Variants in GPM6B observed in about 807,000 individuals in gnomAD.
GPM6B encodes glycoprotein M6B.
GPM6B carries 4 observed loss-of-function variants against 27.2 expected under a neutral mutation model. That is an observed-to-expected ratio of 0.15 (90% CI 0.07 to 0.34). GPM6B has a LOEUF of 0.34. Among genes scored for constraint, GPM6B ranks in the 10% least tolerant of loss-of-function variants. The pLI is 1.00. For synonymous variants in GPM6B, 124 were observed against 103.1 expected (o/e 1.20, Z -1.23); for missense variants, 183 against 261.9 (o/e 0.70, Z 2.08).
intron 1 of GPM6B, among the ~76,000 whole-genome samples, chrX:13,913,671 T>A (rs905273342): frequency 1.8e-5 from 2 of 112,268 alleles, no homozygotes; most frequent in Non-Finnish European, 3.8e-5. Flanking sequence ...TCGGTCTTAA[T>A]TTTGGAGCAT....
At chrX:13,928,915 C>T (rs1921341596) in intron 1 of GPM6B, among the ~76,000 whole-genome samples, 1 of 111,763 alleles carries the variant, frequency 8.9e-6, no homozygotes, top group African/African-American at 3.3e-5. Flanking sequence ...GTTGTGGGGG[C>T]TGGGATGTAG....
chrX:13,798,419 C>T (rs1243334688), intron 2 of GPM6B, among the ~76,000 whole-genome samples: 1 of 110,054 alleles, frequency 9.1e-6, no homozygotes, highest in African/African-American at 3.3e-5. Context: ...CTGAGGAAGA[C>T]ATACCTGTTC....
chrX:13,903,577 T>C (rs907573269), intron 1 of GPM6B, among the ~76,000 whole-genome samples: 2 of 111,805 alleles, frequency 1.8e-5, no homozygotes, highest in Non-Finnish European at 3.8e-5. Context: ...TCTTCTCCAA[T>C]GCAGGGCCAG....
At chrX:13,870,155 G>A (rs67753189) in intron 1 of GPM6B, among the ~76,000 whole-genome samples, 9,777 of 111,815 alleles carry the variant, frequency 0.087, 513 homozygotes, top group South Asian at 0.22. Context: ...GCAATGCATT[G>A]CATGGGGGGC....
chrX:13,774,066 ATTG>A, intron 7 of GPM6B: 2 of 749,870 alleles, frequency 2.7e-6, no homozygotes, highest in Non-Finnish European at 3.1e-6. Context: ...TCATAAAAAA[ATTG>A]TTTTCAATTT....
intron 1 of GPM6B, among the ~76,000 whole-genome samples, chrX:13,904,700 T>C (rs1412522593): frequency 2.7e-5 from 3 of 110,265 alleles, no homozygotes; most frequent in African/African-American, 9.9e-5. Flanking sequence ...ACAAACTAGG[T>C]GTGCTAGGAA....
At chrX:13,804,502 C>T (rs1466663599) in intron 2 of GPM6B, among the ~76,000 whole-genome samples, 1 of 109,631 alleles carries the variant, frequency 9.1e-6, no homozygotes, top group Non-Finnish European at 1.9e-5. Flanking sequence ...CACTACATGT[C>T]CAACGCAGCT....
intron 2 of GPM6B, among the ~76,000 whole-genome samples, chrX:13,805,467 T>C (rs1446085319): frequency 8.9e-6 from 1 of 112,143 alleles, no homozygotes; most frequent in Non-Finnish European, 1.9e-5. Context: ...GGTGGTATCA[T>C]GCAGTACATG....
intron 1 of GPM6B, among the ~76,000 whole-genome samples, chrX:13,930,997 A>G (rs774103329): frequency 4.2e-4 from 47 of 110,790 alleles, no homozygotes; most frequent in Non-Finnish European, 7.4e-4. Context: ...CAGCCTGGCC[A>G]ACATAGTGAA....
At chrX:13,936,576 T>A (rs1374731517) in intron 1 of GPM6B, among the ~76,000 whole-genome samples, 1 of 112,115 alleles carries the variant, frequency 8.9e-6, no homozygotes. Context: ...TTACTAAGAG[T>A]CTACCAAAGG....
chrX:13,773,842 G>A (rs761563156), intron 7 of GPM6B: 52 of 289,269 alleles, frequency 1.8e-4, no homozygotes, highest in Non-Finnish European at 2.3e-4. Flanking sequence ...CTAGCTATGA[G>A]GAAACAGTTA....
In GPM6B at chrX:13,875,923, A is replaced by G. The variant is rs866659570; in HGVS notation, c.-198+62404T>C. ...ATAGGGTTTTCTTTGGATGACAAAA[A>G]TGTCCTAGAACTAGATAGTGATGTT... On this transcript the variant is annotated intron_variant, in intron 1 of 6. Coordinates refer to the GPM6B transcript ENST00000398361. Among the ~76,000 whole-genome samples, 11 of 112,101 alleles carry G rather than the reference A, an allele frequency of 9.8e-5. 1 individual carries two copies. The highest frequency in any genetic ancestry group is 2.1e-4 in the Non-Finnish European group (11 of 53,240).
At chrX:13,864,464 G>A (rs777005616) in intron 1 of GPM6B, among the ~76,000 whole-genome samples, 1 of 112,812 alleles carries the variant, frequency 8.9e-6, no homozygotes, top group African/African-American at 3.2e-5. Flanking sequence ...TGGTGGAGCC[G>A]AGGGGCTGGT....
intron 1 of GPM6B, among the ~76,000 whole-genome samples, chrX:13,862,233 T>A (rs914644755): frequency 4.6e-4 from 51 of 111,095 alleles, no homozygotes; most frequent in Middle Eastern, 4.6e-3. Flanking sequence ...ACGCTTCCGG[T>A]TGGTTTTCAG....
chrX:13,894,160 G>A (rs780386224), intron 1 of GPM6B, among the ~76,000 whole-genome samples: 29 of 111,758 alleles, frequency 2.6e-4, no homozygotes, highest in Admixed American at 2.1e-3. Flanking sequence ...TTCCACATAC[G>A]TAAGGAAGAC....
At chrX:13,810,914 G>C (rs184071499) in intron 1 of GPM6B, among the ~76,000 whole-genome samples, 40 of 111,202 alleles carry the variant, frequency 3.6e-4, no homozygotes, top group African/African-American at 1.2e-3. Flanking sequence ...TTATATTTTT[G>C]AGCCAAATTT....
chrX:13,826,354 G>C (rs1316064015), intron 1 of GPM6B, among the ~76,000 whole-genome samples: 1 of 111,130 alleles, frequency 9.0e-6, no homozygotes, highest in East Asian at 2.8e-4. Flanking sequence ...CCACACTGAA[G>C]AAACAAAGCC....
chrX:13,872,163 CTTTTT>C (rs72226692), intron 1 of GPM6B, among the ~76,000 whole-genome samples: 3 of 25,834 alleles, frequency 1.2e-4, no homozygotes, highest in East Asian at 1.8e-3. Context: ...TGTGACATCA[CTTTTT>C]TTTTTTTTTT....
chrX:13,891,752 G>A (rs957614991), intron 1 of GPM6B, among the ~76,000 whole-genome samples: 1 of 111,971 alleles, frequency 8.9e-6, no homozygotes, highest in Non-Finnish European at 1.9e-5. Context: ...TTGTCTCTAG[G>A]TTTTGCAAAG....
Sources: allele counts gnomAD v4.1 joint callset (sites outside exome capture counted in the v4.1 genomes callset), GRCh38; gene constraint gnomAD v4.1.1; transcripts MANE v1.5; gene names NCBI Gene and HGNC (gene_info 2026-07-23, HGNC 2026-07-21).